NCAM1: variants seen among roughly 807,000 people sequenced by gnomAD.
NCAM1 encodes antigen recognized by monoclonal antibody 5.1H11.
NCAM1 carries 14 observed loss-of-function variants against 109.8 expected under a neutral mutation model. The ratio of observed to expected loss-of-function variants is 0.13; its 90% confidence interval spans 0.08 to 0.20. The LOEUF (loss-of-function observed/expected upper bound fraction) is 0.20. Ranked by LOEUF, NCAM1 falls within the 10% of genes least tolerant of loss-of-function variation. The probability of loss-of-function intolerance (pLI) is 1.00; values close to 1 mark genes in which losing one functional copy is unlikely to be tolerated. For synonymous variants in NCAM1, 418 were observed against 442.9 expected, an observed-to-expected ratio of 0.94 and a Z score of 0.70; for missense variants, 774 against 1,109.9, an observed-to-expected ratio of 0.70 and a Z score of 4.30.
At chr11:113,265,050 CT>C (rs1321771133) in intron 17 of NCAM1, 3 of 985,320 alleles carry the variant, frequency 3.0e-6, no homozygotes. Context: ...CATGGGGCCC[CT>C]TTGCTCATTT....
At chr11:112,982,530 TCA>T (rs1951179870) in intron 1 of NCAM1, among the ~76,000 whole-genome samples, 2 of 151,752 alleles carry the variant, frequency 1.3e-5, no homozygotes, top group Admixed American at 1.3e-4. Context: ...AAACCAGTAG[TCA>T]GGGGGTAGGA....
Position 113,260,298 on chromosome 11 carries a change from C to T in NCAM1, c.2106C>T (p.Thr702=), listed in dbSNP as rs531249704. 1 of 1,613,624 alleles carries T rather than the reference C, an allele frequency of 6.2e-7. No individual in the cohort carries two copies. The highest frequency in any genetic ancestry group is 1.7e-5 in the Admixed American group (1 of 59,948). ...AGGCGGCTCATTTTGTGTTCAGGAC[C>T]TCGGCCCAGCCCACAGCCATCCCAG... The part of the protein sequence containing the change: ...KSKAAHFVFR[T]SAQPTAIPAN... The change falls in exon 17 of 20, where the codon ACC becomes ACT. Residue 702 remains threonine, a synonymous_variant. Transcript: ENST00000316851.
At chr11:113,200,875 G>T (rs971030723) in intron 1 of NCAM1, among the ~76,000 whole-genome samples, 1 of 152,152 alleles carries the variant, frequency 6.6e-6, no homozygotes, top group African/African-American at 2.4e-5. Context: ...TCAGTCCTGA[G>T]CCTCAGGGAG....
At chr11:113,034,435 A>G (rs1159157617) in intron 1 of NCAM1, among the ~76,000 whole-genome samples, 1 of 152,236 alleles carries the variant, frequency 6.6e-6, no homozygotes, top group Admixed American at 6.5e-5. Context: ...CTTTATTAAG[A>G]AAGGAAACCA....
At chr11:113,108,918 A>G (rs948941418) in intron 1 of NCAM1, among the ~76,000 whole-genome samples, 8 of 150,870 alleles carry the variant, frequency 5.3e-5, no homozygotes, top group African/African-American at 1.2e-4. Flanking sequence ...TGGTATTTTT[A>G]GTAGAGGTGG....
rs553820328 is a variant in NCAM1 at position 113,078,634 on chromosome 11, C to T, written c.52+116970C>T. On this transcript the variant is annotated intron_variant, in intron 1 of 19. Transcript: ENST00000316851. The stretch of plus-strand genomic sequence containing the variant: ...CTCATATTTCCCTCTGTCTTATCTG[C>T]CTCATTTTGAGGAAGGGTCTTCTGG... Among the ~76,000 whole-genome samples the T allele has an allele frequency of 9.2e-5, 14 of 152,220 alleles. No individual in the cohort carries two copies. In the South Asian group the frequency reaches 2.7e-3, roughly 29 times the overall value.
chr11:113,208,339 A>C (rs1317377647), intron 7 of NCAM1, among the ~76,000 whole-genome samples: 1 of 152,152 alleles, frequency 6.6e-6, no homozygotes, highest in Non-Finnish European at 1.5e-5. Context: ...GACTCCCTGC[A>C]ATGGCCTACA....
intron 17 of NCAM1, chr11:113,262,811 A>G: frequency 6.2e-6 from 10 of 1,610,444 alleles, no homozygotes; most frequent in Non-Finnish European, 8.5e-6. Flanking sequence ...AAACAACCAC[A>G]TTATCTCTGG....
At chr11:113,216,316 AT>A (rs1378739043) in intron 8 of NCAM1, among the ~76,000 whole-genome samples, 3 of 150,090 alleles carry the variant, frequency 2.0e-5, no homozygotes, top group Non-Finnish European at 3.0e-5. Context: ...CGCCCGGCTA[AT>A]TTTTTTTTGT....
chr11:113,030,642 T>G (rs1364540115), intron 1 of NCAM1, among the ~76,000 whole-genome samples: 3 of 152,190 alleles, frequency 2.0e-5, no homozygotes, highest in African/African-American at 7.2e-5. Context: ...AGTTGTACAT[T>G]AGACATATTA....
intron 1 of NCAM1, among the ~76,000 whole-genome samples, chr11:113,103,267 A>G (rs1440518411): frequency 1.3e-5 from 2 of 152,220 alleles, no homozygotes; most frequent in East Asian, 1.9e-4. Context: ...CCAAATTGAT[A>G]AGAAGTAGTT....
At chr11:113,271,305 G>A (rs1223948794) in intron 18 of NCAM1, among the ~76,000 whole-genome samples, 2 of 139,294 alleles carry the variant, frequency 1.4e-5, no homozygotes, top group Non-Finnish European at 3.0e-5. Flanking sequence ...AGGAGGCGGA[G>A]GTTGCAACGA....
chr11:113,226,056 T>G (rs1303940115), intron 9 of NCAM1, among the ~76,000 whole-genome samples: 5 of 152,184 alleles, frequency 3.3e-5, no homozygotes, highest in African/African-American at 1.2e-4. Flanking sequence ...AACATCTCAA[T>G]GACAGGATCA....
At chr11:113,058,490 A>C (rs1591290244) in intron 1 of NCAM1, among the ~76,000 whole-genome samples, 1 of 152,200 alleles carries the variant, frequency 6.6e-6, no homozygotes, top group African/African-American at 2.4e-5. Context: ...TCCTTTGCAC[A>C]GAAGCTATGC....
At chr11:113,044,944 C>T (rs900067236) in intron 1 of NCAM1, among the ~76,000 whole-genome samples, 6 of 151,748 alleles carry the variant, frequency 4.0e-5, no homozygotes, top group African/African-American at 1.5e-4. Context: ...TGAGTAGAGA[C>T]GGGGTTTCAC....
chr11:113,156,903 T>G (rs1942425776), intron 1 of NCAM1, among the ~76,000 whole-genome samples: 1 of 152,070 alleles, frequency 6.6e-6, no homozygotes. Flanking sequence ...ATGGAAGGCT[T>G]GGAGTAGATG....
intron 1 of NCAM1, among the ~76,000 whole-genome samples, chr11:113,180,319 G>A (rs538482955): frequency 1.2e-4 from 18 of 152,208 alleles, no homozygotes; most frequent in Non-Finnish European, 1.9e-4. Context: ...AGTGAGTTTA[G>A]CGCTACAGGG....
At position 113,214,406 on chromosome 11, in the gene NCAM1, C is replaced by T; in HGVS notation, c.954C>T (p.Ala318=). Residue 318 remains alanine, a synonymous_variant, in exon 8 of 20, where the codon GCC becomes GCT. Coordinates refer to ENST00000316851, the MANE Select transcript of NCAM1 (RefSeq NM_181351.5). ...PKITYVENQT[A]MELEEQVTLT... is the part of the protein sequence containing the mutation. ...TCACATATGTAGAGAACCAGACTGCCATGGAATTAGAGGAGCAGGTCACTC... is the reference window on the plus strand; with the variant it reads ...TCACATATGTAGAGAACCAGACTGCTATGGAATTAGAGGAGCAGGTCACTC... 6.2e-7 allele frequency: 1 copy of T among 1,613,890 alleles called. No homozygotes were observed. The highest frequency in any genetic ancestry group is 8.5e-7 in the Non-Finnish European group (1 of 1,179,812).
chr11:113,025,739 C>T (rs6421555), intron 1 of NCAM1, among the ~76,000 whole-genome samples: 139,941 of 139,966 alleles, frequency 1, 69,958 homozygotes, highest in Middle Eastern at 1. Flanking sequence ...AAAAAGCTCT[C>T]TCTGATATTG....
Sources: allele counts gnomAD v4.1 joint callset (sites outside exome capture counted in the v4.1 genomes callset), GRCh38; gene constraint gnomAD v4.1.1; transcripts MANE v1.5; gene names NCBI Gene and HGNC (gene_info 2026-07-23, HGNC 2026-07-21).